The following RAD54L2 variants were observed in gnomAD, a reference collection of about 807,000 sequenced individuals.
RAD54L2 encodes helicase ARIP4.
In RAD54L2, 27 loss-of-function variants were observed where a neutral mutation model predicts 138.4. The observed-to-expected ratio is 0.20, with a 90% CI of 0.14 to 0.27. RAD54L2 has a LOEUF of 0.27. RAD54L2 is among the 10% of genes least tolerant of loss of function. RAD54L2 has a pLI of 1.00. For synonymous variants in RAD54L2, 644 were observed against 723.2 expected, an observed-to-expected ratio of 0.89 and a Z score of 1.76; for missense variants, 1,396 against 1,890.2, an observed-to-expected ratio of 0.74 and a Z score of 4.85.
intron 2 of RAD54L2, among the ~76,000 whole-genome samples, chr3:51,542,025 GAGTTTTCTATT>G (rs1698566410): frequency 6.6e-6 from 1 of 152,198 alleles, no homozygotes; most frequent in Non-Finnish European, 1.5e-5. Flanking sequence ...ATAAGGCTTA[GAGTTTTCTATT>G]TCTTTAGAAA....
chr3:51,651,074 A>G (rs550017106), intron 19 of RAD54L2, among the ~76,000 whole-genome samples: 1 of 152,358 alleles, frequency 6.6e-6, no homozygotes, highest in Admixed American at 6.5e-5. Flanking sequence ...GAAGAATCAA[A>G]TAGATGCAAT....
chr3:51,562,468 G>T lies in RAD54L2; in HGVS notation c.-55+20818G>T, dbSNP rs557609242. On this transcript the variant is annotated intron_variant, in intron 2 of 22. Coordinates refer to ENST00000684192, the MANE Select transcript of RAD54L2 (RefSeq NM_015106.4). ...TGGTTTTGAACTCTGGACCTCAGGT[G>T]ATCTGCCCGCCTGGGCCTCTGAAAG... Among the ~76,000 whole-genome samples, 6 of 152,292 alleles carry T rather than the reference G, an allele frequency of 3.9e-5. No homozygotes were observed. The South Asian group carries it at 1.0e-3, about 26-fold the overall frequency.
At chr3:51,577,552 A>T (rs150788289) in intron 2 of RAD54L2, among the ~76,000 whole-genome samples, 188 of 152,322 alleles carry the variant, frequency 1.2e-3, no homozygotes, top group Middle Eastern at 3.4e-3. Context: ...ATATGTATTT[A>T]GGATAGTTAG....
intron 4 of RAD54L2, among the ~76,000 whole-genome samples, chr3:51,628,151 GTC>G (rs1327739842): frequency 6.6e-6 from 1 of 152,164 alleles, no homozygotes; most frequent in East Asian, 1.9e-4. Context: ...GTAGAGGACT[GTC>G]TGACCCAAAG....
chr3:51,593,816 G>A (rs1699893210), intron 3 of RAD54L2, among the ~76,000 whole-genome samples: 1 of 151,830 alleles, frequency 6.6e-6, no homozygotes, highest in South Asian at 2.1e-4. Context: ...TGTTTCTTTT[G>A]GGTTTATTTT....
chr3:51,643,074 T>A (rs1701180831), intron 15 of RAD54L2, among the ~76,000 whole-genome samples: 1 of 150,630 alleles, frequency 6.6e-6, no homozygotes, highest in Non-Finnish European at 1.5e-5. Flanking sequence ...CTTACTCTTT[T>A]GCCAGGCTGG....
chr3:51,614,378 G>C (rs993429277), intron 3 of RAD54L2, among the ~76,000 whole-genome samples: 5 of 151,818 alleles, frequency 3.3e-5, no homozygotes, highest in African/African-American at 1.2e-4. Context: ...TCCTCAGCCT[G>C]GTCTCGAACT....
chr3:51,630,520 T>C, intron 6 of RAD54L2, 132 bp downstream of exon 6: 2 of 998,540 alleles, frequency 2.0e-6, no homozygotes, highest in Non-Finnish European at 2.9e-6. Context: ...CTGTGTCTCC[T>C]TGGTAAATAT....
At chr3:51,614,338 A>T (rs1014193029) in intron 3 of RAD54L2, among the ~76,000 whole-genome samples, 2 of 150,694 alleles carry the variant, frequency 1.3e-5, no homozygotes, top group African/African-American at 4.9e-5. Context: ...ATTTTTTTTT[A>T]TTTTTTGTAG....
chr3:51,616,601 A>G (rs1700448437), intron 3 of RAD54L2, among the ~76,000 whole-genome samples: 1 of 151,698 alleles, frequency 6.6e-6, no homozygotes, highest in African/African-American at 2.4e-5. Flanking sequence ...GCTGAGGTGG[A>G]TGGATCACCT....
chr3:51,556,690 C>T (rs1698975785), intron 2 of RAD54L2, among the ~76,000 whole-genome samples: 1 of 152,164 alleles, frequency 6.6e-6, no homozygotes, highest in African/African-American at 2.4e-5. Context: ...GATTCTTCTG[C>T]CTCAGCCTCC....
At chr3:51,644,959 C>A in intron 16 of RAD54L2, 65 bp from the exon 17 acceptor site, 6 of 1,561,052 alleles carry the variant, frequency 3.8e-6, no homozygotes, top group Non-Finnish European at 5.3e-6. Context: ...TCACAGAGGG[C>A]AAAACTGATT....
chr3:51,573,991 C>G (rs1699401583), intron 2 of RAD54L2, among the ~76,000 whole-genome samples: 1 of 98,896 alleles, frequency 1.0e-5, no homozygotes. Flanking sequence ...TGCTATCCCT[C>G]CCCCCACCCC....
intron 3 of RAD54L2, among the ~76,000 whole-genome samples, chr3:51,592,252 G>A (rs2079044681): frequency 6.6e-6 from 1 of 151,010 alleles, no homozygotes; most frequent in African/African-American, 2.4e-5. Context: ...TAGTAGAGAC[G>A]GGATTTCTCT....
chr3:51,551,779 A>T (rs1424845159), intron 2 of RAD54L2, among the ~76,000 whole-genome samples: 19 of 142,896 alleles, frequency 1.3e-4, no homozygotes, highest in East Asian at 2.1e-4. Flanking sequence ...TTTGAGATGG[A>T]GTCTCGCTCT....
intron 2 of RAD54L2, among the ~76,000 whole-genome samples, chr3:51,566,222 G>A (rs1309992885): frequency 6.6e-6 from 1 of 152,024 alleles, no homozygotes; most frequent in African/African-American, 2.4e-5. Flanking sequence ...CTTTGTTCCA[G>A]TCCCTTTGCC....
At chr3:51,542,473 T>C (rs1321977611) in intron 2 of RAD54L2, among the ~76,000 whole-genome samples, 14 of 148,290 alleles carry the variant, frequency 9.4e-5, no homozygotes, top group African/African-American at 3.5e-4. Context: ...TGAGACGGAG[T>C]CTTGCTCTGT....
intron 19 of RAD54L2, among the ~76,000 whole-genome samples, chr3:51,651,905 C>G (rs1007020189): frequency 3.9e-5 from 6 of 152,188 alleles, no homozygotes; most frequent in African/African-American, 9.7e-5. Flanking sequence ...CTCACCACTC[C>G]TATTCAACAT....
chr3:51,650,840 A>ATT (rs985505823), intron 19 of RAD54L2, among the ~76,000 whole-genome samples: 1 of 152,238 alleles, frequency 6.6e-6, no homozygotes, highest in African/African-American at 2.4e-5. Flanking sequence ...AGCAGGAAAT[A>ATT]TCTAAAATCA....
Sources: allele counts gnomAD v4.1 joint callset (sites outside exome capture counted in the v4.1 genomes callset), GRCh38; gene constraint gnomAD v4.1.1; transcripts MANE v1.5; gene names NCBI Gene and HGNC (gene_info 2026-07-23, HGNC 2026-07-21).